PSD2: variants seen among roughly 807,000 people sequenced by gnomAD.
The protein encoded by PSD2 is pleckstrin and Sec7 domain containing 2.
Under a neutral mutation model 69.8 loss-of-function variants are expected in PSD2, and 38 were observed. The observed-to-expected ratio is 0.54, with a 90% CI of 0.42 to 0.71. The LOEUF is 0.71. Among genes scored for constraint, PSD2 ranks in the 30% least tolerant of loss-of-function variants. The probability of loss-of-function intolerance (pLI) is 0.00; values close to 1 mark genes in which losing one functional copy is unlikely to be tolerated. For synonymous variants in PSD2, 412 were observed against 423.0 expected (o/e 0.97, Z 0.32); for missense variants, 943 against 1,014.5 (o/e 0.93, Z 0.96).
chr5:139,838,181 A>G (rs991088037), intron 12 of PSD2, among the ~76,000 whole-genome samples: 1 of 152,166 alleles, frequency 6.6e-6, no homozygotes, highest in Admixed American at 6.5e-5. Flanking sequence ...TCCTCCTGTG[A>G]CTTGAGATTG....
At chr5:139,773,244 C>G in the PSD2 span, among the ~76,000 whole-genome samples, 1 of 152,100 alleles carries the variant, frequency 6.6e-6, no homozygotes, top group Non-Finnish European at 1.5e-5. Flanking sequence ...CACCTACCTT[C>G]CTTTCTTCCT....
chr5:139,802,487 C>T (rs1362721076), intron 1 of PSD2, among the ~76,000 whole-genome samples: 1 of 151,502 alleles, frequency 6.6e-6, no homozygotes, highest in Non-Finnish European at 1.5e-5. Flanking sequence ...AACCCACAGG[C>T]TCATGTTAGC....
the PSD2 span, among the ~76,000 whole-genome samples, chr5:139,764,551 A>C: frequency 6.6e-6 from 1 of 152,128 alleles, no homozygotes; most frequent in Non-Finnish European, 1.5e-5. Flanking sequence ...TGCCAGGAGC[A>C]GTCAGGATGC....
upstream of PSD2, among the ~76,000 whole-genome samples, chr5:139,794,939 G>C (rs538653377): frequency 7.9e-5 from 12 of 152,290 alleles, no homozygotes; most frequent in African/African-American, 2.2e-4. Context: ...CTGGGCTGAG[G>C]GGGGCGGCTT....
At chr5:139,795,170 C>T (rs1467455227), upstream of PSD2, among the ~76,000 whole-genome samples, 3 of 152,152 alleles carry the variant, frequency 2.0e-5, no homozygotes, top group Non-Finnish European at 4.4e-5. This position sits in a 1 kb window ranked among gnomAD's most constrained non-coding sequence, Gnocchi z 4.5. Context: ...CTCTCTCCTG[C>T]CTCCTCCCAT....
chr5:139,814,074 A>C lies in PSD2; in HGVS notation c.822-96A>C. 2 of 1,188,110 alleles carry C rather than the reference A, an allele frequency of 1.7e-6. No individual in the cohort carries two copies. The highest frequency in any genetic ancestry group is 2.4e-6 in the Non-Finnish European group (2 of 822,722). 73.6% of individuals were successfully genotyped at this position (1,188,110 alleles called of 1,614,324 possible). ...CTTCTTTCCCTGTTCTGGCCCCTAC[A>C]TGGTTTGCAGTGGCCTGGGGAAACC... On this transcript the variant is annotated intron_variant, in intron 3 of 14. Coordinates refer to ENST00000274710, the MANE Select transcript of PSD2 (RefSeq NM_032289.4). The surrounding 1 kb of genome is among the most constrained non-coding windows in gnomAD (Gnocchi z 4.4).
chr5:139,834,435 G>A (rs1165753106), intron 8 of PSD2, among the ~76,000 whole-genome samples: 1 of 151,600 alleles, frequency 6.6e-6, no homozygotes, highest in East Asian at 1.9e-4. Flanking sequence ...ATAGGTGCAT[G>A]CCACTGTGCC....
chr5:139,822,658 C>A, intron 6 of PSD2, 68 bp from the exon 7 acceptor site: 1 of 1,430,140 alleles, frequency 7.0e-7, no homozygotes, highest in South Asian at 1.3e-5. Context: ...CTGACGGGTT[C>A]CGTCAGGAGA....
At chr5:139,807,692 C>A (rs1759847787) in intron 1 of PSD2, among the ~76,000 whole-genome samples, 1 of 152,106 alleles carries the variant, frequency 6.6e-6, no homozygotes, top group South Asian at 2.1e-4. Context: ...TCCTCTTTTC[C>A]ACTCCATGTT....
chr5:139,758,737 C>A, the PSD2 span, among the ~76,000 whole-genome samples: 10 of 152,144 alleles, frequency 6.6e-5, no homozygotes, highest in Non-Finnish European at 1.5e-4. Flanking sequence ...GTTCTCCACG[C>A]ACAGGGAGAC....
chr5:139,804,140 G>T (rs577244812), intron 1 of PSD2, among the ~76,000 whole-genome samples: 2 of 152,312 alleles, frequency 1.3e-5, no homozygotes, highest in South Asian at 2.1e-4. Context: ...TGTGTGTCTT[G>T]TGTGTTCATG....
chr5:139,796,228 G>A (rs1399490124), intron 1 of PSD2, among the ~76,000 whole-genome samples: 1 of 152,204 alleles, frequency 6.6e-6, no homozygotes, highest in Non-Finnish European at 1.5e-5. Context: ...CGGGGAGAGG[G>A]GGCGCCGCGG....
the PSD2 span, among the ~76,000 whole-genome samples, chr5:139,788,031 A>G: frequency 1.3e-3 from 197 of 152,304 alleles, no homozygotes; most frequent in African/African-American, 4.4e-3. Context: ...GATGACCCAT[A>G]TGACCTGTAT....
At chr5:139,805,475 C>T (rs919519241) in intron 1 of PSD2, among the ~76,000 whole-genome samples, 3 of 152,140 alleles carry the variant, frequency 2.0e-5, no homozygotes, top group Admixed American at 6.5e-5. Flanking sequence ...GGGACACAGC[C>T]GTGAACATGA....
At chr5:139,812,199 G>A (rs1248914896) in intron 2 of PSD2, among the ~76,000 whole-genome samples, 2 of 152,334 alleles carry the variant, frequency 1.3e-5, no homozygotes, top group Non-Finnish European at 1.5e-5. Flanking sequence ...CTTATATAGT[G>A]TGTTGGAAGG....
chr5:139,796,937 C>A (rs536253782), intron 1 of PSD2, among the ~76,000 whole-genome samples: 1 of 152,156 alleles, frequency 6.6e-6, no homozygotes, highest in Non-Finnish European at 1.5e-5. Flanking sequence ...TTGGCCAGGG[C>A]AGGTGGGCAG....
At chr5:139,766,931 T>TC in the PSD2 span, among the ~76,000 whole-genome samples, 129 of 12,338 alleles carry the variant, frequency 0.01, 12 homozygotes, top group East Asian at 0.019. Context: ...CTTCCTTCCC[T>TC]TCTTTCTTTC....
the PSD2 span, among the ~76,000 whole-genome samples, chr5:139,755,378 G>A: frequency 1.3e-5 from 2 of 152,172 alleles, no homozygotes; most frequent in Admixed American, 6.5e-5. Context: ...TGATGTGTGC[G>A]TGTCCCAGCA....
Position 139,844,319 on chromosome 5 carries a change from T to C in PSD2, c.*1845T>C, listed in dbSNP as rs1464520002. Reference sequence around the variant, plus strand: ...GTGCCTCCCATCAGTAAAAAAATGTTTAGTTCACTTCCTTAATTGTATAAT... The same window carrying C: ...GTGCCTCCCATCAGTAAAAAAATGTCTAGTTCACTTCCTTAATTGTATAAT... On this transcript the variant is annotated 3_prime_UTR_variant, in exon 15 of 15. Coordinates refer to ENST00000274710, the MANE Select transcript of PSD2 (RefSeq NM_032289.4). The C allele has an allele frequency of 6.6e-6, 1 of 152,196 alleles. No homozygotes were observed. The highest frequency in any genetic ancestry group is 1.5e-5 in the Non-Finnish European group (1 of 68,040). The allele number at this position is 152,196 out of a possible 1,614,324, so 9.4% of individuals were successfully genotyped here. A position where few individuals can be genotyped will look rare whatever the true frequency, so the allele number is the denominator to read the frequency against.
Sources: gnomAD v4.1 joint callset for allele counts (sites outside exome capture counted in the v4.1 genomes callset) on GRCh38, gnomAD v4.1.1 for gene constraint, Gnocchi (gnomAD v3.1) non-coding constraint, MANE v1.5 for transcripts, NCBI Gene and HGNC (gene_info 2026-07-23, HGNC 2026-07-21) for gene names.